The following RBFOX1 variants were observed in gnomAD, a reference collection of about 807,000 sequenced individuals.
RBFOX1 encodes RNA binding protein fox-1 homolog 1.
In RBFOX1, 8 loss-of-function variants were observed where a neutral mutation model predicts 57.7. The ratio of observed to expected loss-of-function variants is 0.14; its 90% confidence interval spans 0.08 to 0.25. The LOEUF (loss-of-function observed/expected upper bound fraction) is 0.25. RBFOX1 is among the 10% of genes least tolerant of loss of function. The probability of loss-of-function intolerance (pLI) is 1.00; values close to 1 mark genes in which losing one functional copy is unlikely to be tolerated. For synonymous variants in RBFOX1, 326 were observed against 222.4 expected, an observed-to-expected ratio of 1.47 and a Z score of -4.15; for missense variants, 611 against 548.5, an observed-to-expected ratio of 1.11 and a Z score of -1.14.
chr16:6,729,473 G>C (rs7206045), intron 3 of RBFOX1, among the ~76,000 whole-genome samples: 137,863 of 152,192 alleles, frequency 0.91, 64,064 homozygotes, highest in East Asian at 1. Flanking sequence ...AGCCTTCCCA[G>C]CAATCCATTA....
chr16:7,298,285 GTTT>G (rs201092743), intron 4 of RBFOX1, among the ~76,000 whole-genome samples: 4,229 of 96,390 alleles, frequency 0.044, 55 homozygotes, highest in South Asian at 0.16. Flanking sequence ...GTTTTTTTTT[GTTT>G]TTTTTTTTTT....
At chr16:6,226,173 C>T (rs1328463806) in intron 1 of RBFOX1, among the ~76,000 whole-genome samples, 2 of 124,550 alleles carry the variant, frequency 1.6e-5, no homozygotes, top group African/African-American at 6.3e-5. Flanking sequence ...CAGCCTGCAA[C>T]ATGGTGAAAC....
At chr16:6,700,039 A>G (rs2061593344) in intron 3 of RBFOX1, among the ~76,000 whole-genome samples, 1 of 152,164 alleles carries the variant, frequency 6.6e-6, no homozygotes, top group Non-Finnish European at 1.5e-5. Context: ...ATTGGCAAGA[A>G]AAAGCTTAAA....
chr16:6,823,413 C>T lies in RBFOX1; in HGVS notation c.-16+168763C>T, dbSNP rs146770803. 3.4e-3 allele frequency among the ~76,000 whole-genome samples: 522 copies of T among 152,150 alleles called. 1 individual carries two copies. Among genetic ancestry groups the T allele is most frequent in the Non-Finnish European group, 5.6e-3 (383 of 67,996 alleles). On this transcript the variant is annotated intron_variant, in intron 3 of 15. Transcript: ENST00000550418. ...CTAGTATTATATATGTGCGCCACCA[C>T]ACCTGGCTAATTTTTGTATTTTTAA...
intron 3 of RBFOX1, among the ~76,000 whole-genome samples, chr16:5,682,844 C>A (rs1255254858): frequency 6.6e-6 from 1 of 152,184 alleles, no homozygotes; most frequent in African/African-American, 2.4e-5. Flanking sequence ...TTGCTACTTT[C>A]TCTTTAAAAG....
At chr16:7,308,857 CTG>C (rs2096250943) in intron 4 of RBFOX1, among the ~76,000 whole-genome samples, 1 of 152,200 alleles carries the variant, frequency 6.6e-6, no homozygotes, top group Admixed American at 6.5e-5. Context: ...ACAATTATGA[CTG>C]TGTAGAAAAG....
At chr16:5,336,694 CCTT>C (rs1267401252) in intron 1 of RBFOX1, among the ~76,000 whole-genome samples, 1 of 152,130 alleles carries the variant, frequency 6.6e-6, no homozygotes, top group African/African-American at 2.4e-5. Context: ...AGAGAGTGGT[CCTT>C]CTACTGGGTT....
chr16:5,919,698 C>T (rs1339806709), intron 4 of RBFOX1, among the ~76,000 whole-genome samples: 2 of 152,102 alleles, frequency 1.3e-5, no homozygotes, highest in Non-Finnish European at 2.9e-5. Context: ...AAGGTTGTGC[C>T]ACCACCACCT....
chr16:5,678,615 G>A lies in RBFOX1; in HGVS notation c.318+79654G>A, dbSNP rs554621682. On this transcript the variant is annotated intron_variant, in intron 3 of 19. Transcript: ENST00000641259. ...TTGCTTCCTCTGGGTGCTTGAGCCC[G>A]TCCCACAGGAATCTATTATGCGGCG... Among the ~76,000 whole-genome samples, 6 of 152,236 alleles carry A rather than the reference G, an allele frequency of 3.9e-5. No individual in the cohort carries two copies. The South Asian group carries it at 6.2e-4, about 16-fold the overall frequency.
intron 3 of RBFOX1, among the ~76,000 whole-genome samples, chr16:5,665,131 T>TG (rs141383358): frequency 0.1 from 9,749 of 97,598 alleles, 1,498 homozygotes; most frequent in African/African-American, 0.29. Context: ...TATTTTTACA[T>TG]GGGGGGGGGC....
At chr16:7,234,616 A>T (rs1442329839) in intron 4 of RBFOX1, among the ~76,000 whole-genome samples, 3 of 150,042 alleles carry the variant, frequency 2.0e-5, no homozygotes, top group Admixed American at 2.0e-4. Context: ...GTGTATATAT[A>T]TGTTTGTATG....
intron 14 of RBFOX1, among the ~76,000 whole-genome samples, chr16:7,706,411 G>A (rs1235960592): frequency 6.6e-6 from 1 of 152,022 alleles, no homozygotes; most frequent in African/African-American, 2.4e-5. Context: ...TGTTACCTTG[G>A]GTTTTCCACA....
intron 3 of RBFOX1, among the ~76,000 whole-genome samples, chr16:6,756,177 A>G (rs964481772): frequency 1.3e-5 from 2 of 152,284 alleles, no homozygotes; most frequent in East Asian, 1.9e-4. Context: ...CTGTAGTACC[A>G]TTTACCTATA....
At chr16:5,871,850 C>T (rs926672848) in intron 4 of RBFOX1, among the ~76,000 whole-genome samples, 1 of 152,162 alleles carries the variant, frequency 6.6e-6, no homozygotes, top group Non-Finnish European at 1.5e-5. Context: ...ATAAATTGGC[C>T]TGCTTTTATT....
intron 3 of RBFOX1, among the ~76,000 whole-genome samples, chr16:6,706,539 C>G (rs955182514): frequency 6.6e-6 from 1 of 152,114 alleles, no homozygotes; most frequent in African/African-American, 2.4e-5. Flanking sequence ...TCTTTCTGTG[C>G]ATGGGGACAA....
intron 12 of RBFOX1, among the ~76,000 whole-genome samples, chr16:7,663,746 C>T (rs148522155): frequency 6.6e-6 from 1 of 152,184 alleles, no homozygotes; most frequent in East Asian, 1.9e-4. Flanking sequence ...AACTATGATC[C>T]TTTTAAAAAT....
intron 7 of RBFOX1, among the ~76,000 whole-genome samples, chr16:7,587,906 G>C (rs770031659): frequency 3.9e-5 from 6 of 152,204 alleles, no homozygotes; most frequent in Non-Finnish European, 7.3e-5. Context: ...AGAAATATGG[G>C]CTGGGTGCAG....
At chr16:5,520,943 G>C (rs1289596640) in intron 2 of RBFOX1, among the ~76,000 whole-genome samples, 2 of 152,166 alleles carry the variant, frequency 1.3e-5, no homozygotes, top group Admixed American at 6.5e-5. Context: ...CACGAGGAGA[G>C]CCACAGCCAA....
chr16:5,813,798 G>T (rs1330545320), intron 3 of RBFOX1, among the ~76,000 whole-genome samples: 11 of 152,180 alleles, frequency 7.2e-5, no homozygotes, highest in Non-Finnish European at 4.4e-5. Flanking sequence ...TTTGGATCCA[G>T]TCTCACTGGG....
Sources: allele counts gnomAD v4.1 joint callset (sites outside exome capture counted in the v4.1 genomes callset), GRCh38; gene constraint gnomAD v4.1.1; transcripts MANE v1.5; gene names NCBI Gene and HGNC (gene_info 2026-07-23, HGNC 2026-07-21).